PPP6R1: variants seen among roughly 807,000 people sequenced by gnomAD.
The protein encoded by PPP6R1 is serine/threonine-protein phosphatase 6 regulatory subunit 1.
Under a neutral mutation model 104.6 loss-of-function variants are expected in PPP6R1, and 39 were observed. That is an observed-to-expected ratio of 0.37 (90% CI 0.29 to 0.49). The LOEUF is 0.49. Among genes scored for constraint, PPP6R1 ranks in the 20% least tolerant of loss-of-function variants. The probability of loss-of-function intolerance (pLI) is 0.98; values close to 1 mark genes in which losing one functional copy is unlikely to be tolerated. For missense variants in PPP6R1, 1,181 were observed against 1,155.8 expected, an observed-to-expected ratio of 1.02 and a Z score of -0.32; for synonymous variants, 549 against 479.0, an observed-to-expected ratio of 1.15 and a Z score of -1.91.
chr19:55,248,324 G>A (rs927019610), intron 1 of PPP6R1, among the ~76,000 whole-genome samples: 10 of 152,204 alleles, frequency 6.6e-5, no homozygotes, highest in African/African-American at 2.2e-4. Flanking sequence ...AAGTCAGGCG[G>A]CATCCTGGAA....
chr19:55,239,445 A>G lies in PPP6R1; in HGVS notation c.1711T>C (p.Phe571Leu), dbSNP rs200569942. The change falls in exon 15 of 24, where the codon TTC (phenylalanine) becomes CTC (leucine). Residue 571 changes from phenylalanine (F) to leucine (L), a missense_variant. Around this residue, in one of 2 missense-constraint regions of PPP6R1, gnomAD observed 1,042 missense variants for 955.6 expected, o/e 1.09. Transcript: ENST00000412770. ...MTSAFIDHFG[F>L]NDEEFGEQEE... ...TGCTCCCCAAACTCCTCATCATTGA[A>G]GCCGAAGTGGTCAATGAAGGCAGAG... 23 of 1,613,908 alleles carry G rather than the reference A, an allele frequency of 1.4e-5. No homozygotes were observed. In the East Asian group the frequency reaches 5.1e-4, roughly 36 times the overall value.
chr19:55,240,511 G>GCA (rs2087443201), intron 10 of PPP6R1, among the ~76,000 whole-genome samples: 2 of 126,028 alleles, frequency 1.6e-5, no homozygotes, highest in Admixed American at 8.2e-5. Flanking sequence ...AATATGTGGT[G>GCA]CATACACACA....
chr19:55,245,095 C>G lies in PPP6R1; in HGVS notation c.618+25G>C. On this transcript the variant is annotated intron_variant, in intron 5 of 23. Transcript: ENST00000412770. This position sits in a 1 kb window ranked among gnomAD's most constrained non-coding sequence, Gnocchi z 6.4. ...ATGGGGAAGGAACTCTAAGGGGAAT[C>G]CGCAGGGGCATCGGCAGCACTCACA... 1.2e-6 allele frequency: 2 copies of G among 1,611,454 alleles called. No individual in the cohort carries two copies. The highest frequency in any genetic ancestry group is 1.7e-6 in the Non-Finnish European group (2 of 1,178,914).
intron 17 of PPP6R1, 92 bp downstream of exon 17, chr19:55,236,551 T>C: frequency 7.4e-7 from 1 of 1,348,804 alleles, no homozygotes; most frequent in Non-Finnish European, 9.8e-7. Context: ...TTTTCTTCAT[T>C]CACTTCAGCC....
chr19:55,244,335 G>T (rs2087486915), intron 5 of PPP6R1, among the ~76,000 whole-genome samples: 1 of 152,232 alleles, frequency 6.6e-6, no homozygotes, highest in African/African-American at 2.4e-5. Context: ...GCCCTGTGCT[G>T]GGCACCAGGA....
chr19:55,256,308 T>C (rs962343936), intron 1 of PPP6R1, among the ~76,000 whole-genome samples: 3 of 152,284 alleles, frequency 2.0e-5, no homozygotes, highest in African/African-American at 7.2e-5. Flanking sequence ...ACATTTGGGC[T>C]GGACGGTTCT....
intron 2 of PPP6R1, 30 bp downstream of exon 2, chr19:55,246,847 G>A: frequency 6.6e-7 from 1 of 1,523,160 alleles, no homozygotes; most frequent in Non-Finnish European, 8.9e-7. Flanking sequence ...TGCTGATAGG[G>A]ACGGGCTGGC....
chr19:55,246,865 T>TG lies in PPP6R1; in HGVS notation c.227+11dup, dbSNP rs1322364033. On this transcript the variant is annotated intron_variant, in intron 2 of 23. Coordinates refer to ENST00000412770, the MANE Select transcript of PPP6R1 (RefSeq NM_014931.4). ...TGATAGGGACGGGCTGGCCAGGAGC[T>TG]GGGGAACTCACTTGTAGCGCAGCCG... The TG allele has an allele frequency of 6.4e-7, 1 of 1,572,360 alleles. No individual in the cohort carries two copies. Among genetic ancestry groups the TG allele is most frequent in the Non-Finnish European group, 8.6e-7 (1 of 1,156,822 alleles).
chr19:55,248,841 C>T (rs563542930), intron 1 of PPP6R1, among the ~76,000 whole-genome samples: 3 of 152,332 alleles, frequency 2.0e-5, no homozygotes, highest in African/African-American at 7.2e-5. Flanking sequence ...AGGTCGAACG[C>T]CTCTTGGGCC....
intron 6 of PPP6R1, 26 bp from the exon 7 acceptor site, chr19:55,242,305 G>T: frequency 1.2e-6 from 2 of 1,613,434 alleles, no homozygotes; most frequent in Non-Finnish European, 1.7e-6. Flanking sequence ...CAGGGGTCAG[G>T]GTGAGGGGCC....
At chr19:55,239,344 T>C (rs1568945621) in intron 15 of PPP6R1, 61 bp downstream of exon 15, 2 of 1,487,304 alleles carry the variant, frequency 1.3e-6, no homozygotes, top group Non-Finnish European at 9.3e-7. Context: ...CAGATACAAG[T>C]AGGCGCGCCT....
rs374258754 is a variant in PPP6R1, at chr19:55,239,823, C to T, written c.1563+3G>A. 4.5e-5 allele frequency: 73 copies of T among 1,613,530 alleles called. No homozygotes were observed. Among genetic ancestry groups the T allele is most frequent in the Non-Finnish European group, 5.8e-5 (69 of 1,179,656 alleles). On this transcript the variant is annotated splice_donor_region_variant and intron_variant, in intron 13 of 23. Transcript: ENST00000412770. ...GAGTGCAGGAAGAGAAGCTGGGCCT[C>T]ACCAGGTCCACCATGTTCTTCTTGT...
Position 55,231,441 on chromosome 19 carries a change from C to T in PPP6R1, c.2428G>A (p.Gly810Arg), listed in dbSNP as rs767658439. The part of the protein sequence containing the change: ...SIGDLQATFH[G>R]IRSAPSSSDS... ...GAGGAGCTGGGGGCAGAACGGATCC[C>T]GTGGAAGGTGGCCTGAAGGTCCCCG... Residue 810 changes from glycine (G) to arginine (R), a missense_variant, in exon 21 of 24, where the codon GGG (glycine) becomes AGG (arginine). By Grantham distance (125) the Gly-to-Arg change is moderately radical. Around this residue, in one of 2 missense-constraint regions of PPP6R1, gnomAD observed 1,042 missense variants for 955.6 expected, o/e 1.09. Transcript: ENST00000412770. 3.5e-5 allele frequency: 57 copies of T among 1,606,616 alleles called. No individual in the cohort carries two copies. Among genetic ancestry groups the T allele is most frequent in the East Asian group, 4.5e-5 (2 of 44,626 alleles).
chr19:55,243,404 C>CAAAAAAAA lies in PPP6R1; in HGVS notation c.619-924_619-917dup, dbSNP rs58375899. ...CTCTAGACAGAGCGAGACTCCATCT[C>CAAAAAAAA]AAAAAAAAAAAAAAAAAAAGAAAGG... On this transcript the variant is annotated intron_variant, in intron 5 of 23. Coordinates refer to ENST00000412770, the MANE Select transcript of PPP6R1 (RefSeq NM_014931.4). 7.5e-4 allele frequency among the ~76,000 whole-genome samples: 37 copies of CAAAAAAAA among 49,136 alleles called. 1 individual carries two copies. The highest frequency in any genetic ancestry group is 2.2e-3 in the African/African-American group (31 of 14,116). The allele number at this position is 49,136 out of a possible 152,430, so 32.2% of individuals were successfully genotyped here. A position where few individuals can be genotyped will look rare whatever the true frequency, so the allele number is the denominator to read the frequency against.
At chr19:55,228,278 C>G (rs201352309), downstream of PPP6R1, 173 of 1,613,148 alleles carry the variant, frequency 1.1e-4, 2 homozygotes, top group South Asian at 1.9e-3. Context: ...GTGTAGCCCC[C>G]GCTTGGGGAC....
intron 1 of PPP6R1, among the ~76,000 whole-genome samples, chr19:55,258,159 G>C (rs1568953475): frequency 6.6e-6 from 1 of 152,230 alleles, no homozygotes; most frequent in Admixed American, 6.5e-5. Context: ...GGACTGGGGA[G>C]CGCAGCTGCA....
intron 1 of PPP6R1, 70 bp downstream of exon 1, chr19:55,258,365 G>A (rs900329201): frequency 6.6e-6 from 1 of 152,216 alleles, no homozygotes; most frequent in Non-Finnish European, 1.5e-5. Flanking sequence ...AAGCCTGAGG[G>A]GACGCGGAGA....
At position 55,241,100 on chromosome 19, in the gene PPP6R1, G is replaced by C; in HGVS notation, c.1162-21C>G. On this transcript the variant is annotated intron_variant, in intron 9 of 23. Coordinates refer to ENST00000412770, the MANE Select transcript of PPP6R1 (RefSeq NM_014931.4). The surrounding 1 kb of genome is among the most constrained non-coding windows in gnomAD (Gnocchi z 5.4). The stretch of plus-strand genomic sequence containing the variant: ...AGGTCCTATGGGAGGACACAGGATT[G>C]GTACCAGAGAGGCCCCGCCCCAGCC... The C allele has an allele frequency of 6.5e-7, 1 of 1,548,006 alleles. No individual in the cohort carries two copies. The highest frequency in any genetic ancestry group is 1.2e-5 in the South Asian group (1 of 83,950).
In PPP6R1 at chr19:55,245,734, C is replaced by T. The variant is rs950713909; in HGVS notation, c.228-56G>A. ...CGGGTCGGAGGCCGGGGGCAGGGGG[C>T]GGCAAGGCTCCACCCTCTTCTCTGC... On this transcript the variant is annotated intron_variant, in intron 2 of 23. Transcript: ENST00000412770. This position sits in a 1 kb window ranked among gnomAD's most constrained non-coding sequence, Gnocchi z 6.4. 23 of 1,369,106 alleles carry T rather than the reference C, an allele frequency of 1.7e-5. No homozygotes were observed. The highest frequency in any genetic ancestry group is 2.5e-5 in the South Asian group (2 of 79,460). The allele number at this position is 1,369,106 out of a possible 1,614,324, so 84.8% of individuals were successfully genotyped here. A position where few individuals can be genotyped will look rare whatever the true frequency, so the allele number is the denominator to read the frequency against.
Sources: allele counts gnomAD v4.1 joint callset (sites outside exome capture counted in the v4.1 genomes callset), GRCh38; gene constraint gnomAD v4.1.1; regional missense constraint gnomAD v4.1.1; non-coding constraint Gnocchi (gnomAD v3.1); transcripts MANE v1.5; gene names NCBI Gene and HGNC (gene_info 2026-07-23, HGNC 2026-07-21).